ZBBX: variants seen among roughly 807,000 people sequenced by gnomAD.
ZBBX encodes zinc finger B-box domain containing.
ZBBX carries 101 observed loss-of-function variants against 108.5 expected under a neutral mutation model. That is an observed-to-expected ratio of 0.93 (90% CI 0.79 to 1.10). The LOEUF (loss-of-function observed/expected upper bound fraction) is 1.10. Ranked by LOEUF, ZBBX falls within the 50% of genes least tolerant of loss-of-function variation. The pLI is 0.00. For missense variants in ZBBX, 1,009 were observed against 941.4 expected (o/e 1.07, Z -0.94); for synonymous variants, 356 against 323.4 (o/e 1.10, Z -1.08).
intron 17 of ZBBX, among the ~76,000 whole-genome samples, chr3:167,300,111 T>C (rs1418818406): frequency 1.3e-5 from 2 of 152,186 alleles, no homozygotes; most frequent in Non-Finnish European, 2.9e-5. Flanking sequence ...TGTGAAACTA[T>C]TTACACTTTT....
chr3:167,317,247 C>A, intron 13 of ZBBX, 142 bp from the exon 14 acceptor site: 1 of 663,328 alleles, frequency 1.5e-6, no homozygotes, highest in Non-Finnish European at 2.4e-6. Context: ...TTTCCCAGTT[C>A]AAGTGAAATA....
At chr3:167,370,363 C>T (rs1031764424) in intron 4 of ZBBX, among the ~76,000 whole-genome samples, 2 of 152,154 alleles carry the variant, frequency 1.3e-5, no homozygotes, top group Non-Finnish European at 2.9e-5. Context: ...TTTGAGCTGT[C>T]AGGAGGACAA....
intron 2 of ZBBX, among the ~76,000 whole-genome samples, chr3:167,378,238 C>A (rs892346297): frequency 6.6e-6 from 1 of 152,148 alleles, no homozygotes; most frequent in Non-Finnish European, 1.5e-5. Context: ...AACAAGATAT[C>A]TGATAGTAAA....
intron 4 of ZBBX, among the ~76,000 whole-genome samples, chr3:167,371,094 G>C (rs975908823): frequency 6.6e-6 from 1 of 152,086 alleles, no homozygotes; most frequent in African/African-American, 2.4e-5. Context: ...AGAACTCTAC[G>C]GTAATTACTG....
Position 167,287,895 on chromosome 3 carries a change from CAG to C in ZBBX, c.1996+970_1996+971del, listed in dbSNP as rs573376141. Among the ~76,000 whole-genome samples the C allele has an allele frequency of 1.8e-3, 280 of 152,052 alleles. 1 individual carries two copies. Among genetic ancestry groups the C allele is most frequent in the Non-Finnish European group, 3.1e-3 (212 of 67,956 alleles). On this transcript the variant is annotated intron_variant, in intron 19 of 21. Transcript: ENST00000675490. ...GCACATGGAAAGGATCTAAGATAGCCAGAGAGTTTTAATCATAGATTTTAGGG... is the reference window on the plus strand; with the variant it reads ...GCACATGGAAAGGATCTAAGATAGCCAGAGTTTTAATCATAGATTTTAGGG...
chr3:167,309,622 C>G (rs1253025170), intron 16 of ZBBX, among the ~76,000 whole-genome samples: 1 of 152,220 alleles, frequency 6.6e-6, no homozygotes, highest in African/African-American at 2.4e-5. Context: ...CCTTTTAACC[C>G]TGACTGCACT....
At chr3:167,261,697 C>A (rs959100787) in intron 20 of ZBBX, among the ~76,000 whole-genome samples, 2 of 150,882 alleles carry the variant, frequency 1.3e-5, no homozygotes, top group African/African-American at 4.9e-5. Flanking sequence ...CACCCAACAG[C>A]CCTCACACCC....
At chr3:167,336,068 T>C (rs1448462008) in intron 9 of ZBBX, among the ~76,000 whole-genome samples, 1 of 152,058 alleles carries the variant, frequency 6.6e-6, no homozygotes. Context: ...CCATGTTTGG[T>C]TTTCATTTTA....
intron 19 of ZBBX, among the ~76,000 whole-genome samples, chr3:167,286,892 T>G (rs575199350): frequency 6.6e-6 from 1 of 152,284 alleles, no homozygotes; most frequent in South Asian, 2.1e-4. Flanking sequence ...CTCTATATAC[T>G]GGCATCAGTG....
intron 9 of ZBBX, among the ~76,000 whole-genome samples, chr3:167,348,561 G>A (rs1339005774): frequency 6.6e-6 from 1 of 151,904 alleles, no homozygotes; most frequent in Non-Finnish European, 1.5e-5. Context: ...ATTTCAAAAT[G>A]TGTATCTATA....
intron 5 of ZBBX, chr3:167,366,725 G>C (rs892195830): frequency 1.2e-5 from 5 of 411,102 alleles, no homozygotes; most frequent in Non-Finnish European, 1.4e-5. Context: ...ACTCAGTCAA[G>C]CTTTAGAATG....
chr3:167,226,589 A>G, the ZBBX span, among the ~76,000 whole-genome samples: 3 of 151,882 alleles, frequency 2.0e-5, no homozygotes, highest in African/African-American at 7.2e-5. Flanking sequence ...GATGACATCA[A>G]TCTTCTTACG....
intron 20 of ZBBX, among the ~76,000 whole-genome samples, chr3:167,247,194 G>A (rs903251160): frequency 2.6e-5 from 4 of 152,188 alleles, no homozygotes; most frequent in Admixed American, 6.5e-5. Context: ...GTGGCCAGAT[G>A]TTGAGAGCAG....
chr3:167,387,518 C>T (rs1179767935), intron 1 of ZBBX, among the ~76,000 whole-genome samples: 1 of 151,972 alleles, frequency 6.6e-6, no homozygotes, highest in Non-Finnish European at 1.5e-5. Context: ...GGTGAAATTA[C>T]TGTTCTGGAT....
At chr3:167,320,991 A>G (rs969501786) in intron 12 of ZBBX, among the ~76,000 whole-genome samples, 1 of 152,044 alleles carries the variant, frequency 6.6e-6, no homozygotes, top group Non-Finnish European at 1.5e-5. Context: ...GGGTAAGGAT[A>G]ATAGTGAAAA....
intron 5 of ZBBX, among the ~76,000 whole-genome samples, chr3:167,367,797 G>A (rs1006997788): frequency 1.3e-5 from 2 of 151,022 alleles, no homozygotes; most frequent in African/African-American, 4.8e-5. Context: ...TATTAGTTCT[G>A]TTTGTTATCA....
chr3:167,328,244 CT>C, intron 10 of ZBBX, 128 bp from the exon 11 acceptor site: 2 of 908,038 alleles, frequency 2.2e-6, no homozygotes, highest in Non-Finnish European at 3.2e-6. Context: ...ACAAATCAGA[CT>C]TTTTAAACTT....
intron 20 of ZBBX, chr3:167,248,478 C>T (rs545157371): frequency 1.6e-5 from 4 of 248,224 alleles, no homozygotes; most frequent in Admixed American, 4.3e-5. Context: ...AAGTGAGAGG[C>T]GTCCCCCACC....
chr3:167,369,427 AG>A (rs1279340973), intron 4 of ZBBX, among the ~76,000 whole-genome samples: 1 of 152,216 alleles, frequency 6.6e-6, no homozygotes. Context: ...ATTACCAAAA[AG>A]CAAGCGGGCC....
Sources: allele counts gnomAD v4.1 joint callset (sites outside exome capture counted in the v4.1 genomes callset), GRCh38; gene constraint gnomAD v4.1.1; transcripts MANE v1.5; gene names NCBI Gene and HGNC (gene_info 2026-07-23, HGNC 2026-07-21).